Variants in ABCC8 observed in about 807,000 individuals in gnomAD.
ABCC8 encodes ATP-binding cassette sub-family C member 8.
ABCC8 carries 137 observed loss-of-function variants against 188.0 expected under a neutral mutation model. That is an observed-to-expected ratio of 0.73 (90% confidence interval 0.63 to 0.84). The LOEUF is 0.84. Among genes scored for constraint, ABCC8 ranks in the 40% least tolerant of loss-of-function variants. The pLI is 0.00. For missense variants in ABCC8, 1,750 were observed against 2,072.7 expected, an observed-to-expected ratio of 0.84 and a Z score of 3.02; for synonymous variants, 797 against 846.5, an observed-to-expected ratio of 0.94 and a Z score of 1.01.
chr11:17,432,167 A>G, intron 11 of ABCC8, 37 bp downstream of exon 11: 3 of 1,551,496 alleles, frequency 1.9e-6, no homozygotes, highest in African/African-American at 1.4e-5. Context: ...CTCCCCCTCC[A>G]CCCTACCCCC....
At chr11:17,456,498 C>T (rs920417284) in intron 6 of ABCC8, among the ~76,000 whole-genome samples, 5 of 152,178 alleles carry the variant, frequency 3.3e-5, no homozygotes, top group Non-Finnish European at 5.9e-5. Context: ...GAGAGGGGAT[C>T]ACTTGGACTC....
chr11:17,425,222 T>A lies in ABCC8; in HGVS notation c.2222+1827A>T, dbSNP rs58646341. 6.3e-3 allele frequency among the ~76,000 whole-genome samples: 963 copies of A among 152,172 alleles called. 9 individuals carry two copies. Among genetic ancestry groups the A allele is most frequent in the African/African-American group, 0.022 (920 of 41,518 alleles). On this transcript the variant is annotated intron_variant, in intron 16 of 38. Transcript: ENST00000389817. ...AAAGACCCCTCTGCCCCCAAAGACA[T>A]CACAGTCCCTGATGGGAGGTGATGG... is the stretch of plus-strand genomic sequence containing the variant.
At chr11:17,406,554 T>C in intron 26 of ABCC8, 68 bp downstream of exon 26, 2 of 1,483,908 alleles carry the variant, frequency 1.3e-6, no homozygotes, top group South Asian at 1.2e-5. Context: ...ATTTTATAGA[T>C]GGGAAGACTA....
chr11:17,462,040 C>T (rs907794303), intron 4 of ABCC8, among the ~76,000 whole-genome samples: 4 of 152,070 alleles, frequency 2.6e-5, no homozygotes, highest in East Asian at 1.9e-4. Flanking sequence ...TCATTGAGGT[C>T]GACTTTGAAC....
intron 16 of ABCC8, among the ~76,000 whole-genome samples, chr11:17,418,831 T>C (rs1955201740): frequency 6.6e-6 from 1 of 152,220 alleles, no homozygotes; most frequent in Non-Finnish European, 1.5e-5. Flanking sequence ...CCCATGGTGC[T>C]TAGCACATGA....
At chr11:17,402,802 C>A in intron 28 of ABCC8, 49 bp from the exon 29 acceptor site, 1 of 1,605,052 alleles carries the variant, frequency 6.2e-7, no homozygotes, top group Non-Finnish European at 8.5e-7. Flanking sequence ...GCTCAGGGCT[C>A]GGCCTGGGCC....
intron 7 of ABCC8, among the ~76,000 whole-genome samples, chr11:17,451,332 C>A (rs779030047): frequency 2.0e-5 from 3 of 152,168 alleles, no homozygotes; most frequent in Non-Finnish European, 4.4e-5. Flanking sequence ...CCCCATGAGT[C>A]TTAGAAGGTC....
intron 29 of ABCC8, among the ~76,000 whole-genome samples, chr11:17,401,180 C>G (rs991558814): frequency 5.3e-5 from 8 of 152,178 alleles, no homozygotes; most frequent in Non-Finnish European, 4.4e-5. Flanking sequence ...AGGGAAATCA[C>G]CAAAACTTAG....
rs1172087087 is a variant in ABCC8 at position 17,424,716 on chromosome 11, C to T, written c.2222+2333G>A. ...GAAAAGCCCTGCCTTGGAGGAGAGCCCAGATCCAGCCTGACCACTACATGG... is the reference window on the plus strand; with the variant it reads ...GAAAAGCCCTGCCTTGGAGGAGAGCTCAGATCCAGCCTGACCACTACATGG... On this transcript the variant is annotated intron_variant, in intron 16 of 38. Transcript: ENST00000389817. Among the ~76,000 whole-genome samples, 3 of 152,178 alleles carry T rather than the reference C, an allele frequency of 2.0e-5. No homozygotes were observed. In the East Asian group the frequency reaches 5.8e-4, roughly 29 times the overall value.
intron 5 of ABCC8, chr11:17,461,123 T>C: frequency 3.0e-6 from 1 of 330,522 alleles, no homozygotes; most frequent in Non-Finnish European, 5.8e-6. Flanking sequence ...GTCACAGCCT[T>C]TCTCAGGGCC....
intron 4 of ABCC8, among the ~76,000 whole-genome samples, chr11:17,462,901 A>G (rs1483920391): frequency 2.0e-5 from 3 of 152,218 alleles, no homozygotes; most frequent in African/African-American, 7.2e-5. Flanking sequence ...TTATTTAGAC[A>G]GACACATATG....
At chr11:17,446,991 C>T (rs1046641338) in intron 8 of ABCC8, among the ~76,000 whole-genome samples, 2 of 152,186 alleles carry the variant, frequency 1.3e-5, no homozygotes, top group Non-Finnish European at 2.9e-5. Flanking sequence ...AGTGAAGACT[C>T]TGGGGGCCAC....
intron 16 of ABCC8, among the ~76,000 whole-genome samples, chr11:17,421,425 C>T (rs1591781487): frequency 1.3e-5 from 2 of 152,124 alleles, no homozygotes; most frequent in African/African-American, 4.8e-5. Context: ...ATAATGGCAG[C>T]CTCTTGAAGG....
intron 6 of ABCC8, among the ~76,000 whole-genome samples, chr11:17,460,165 C>T (rs892918103): frequency 2.6e-5 from 4 of 152,226 alleles, no homozygotes; most frequent in African/African-American, 9.6e-5. Context: ...TGAAAGCCAA[C>T]AAATCCAAGT....
At chr11:17,449,654 C>T (rs12417921) in intron 7 of ABCC8, among the ~76,000 whole-genome samples, 4,719 of 152,316 alleles carry the variant, frequency 0.031, 106 homozygotes, top group South Asian at 0.076. Context: ...AAAATGCATC[C>T]GGGTCTTAAA....
Position 17,430,904 on chromosome 11 carries a change from G to C in ABCC8, c.1727C>G (p.Ala576Gly). The C allele has an allele frequency of 6.2e-7, 1 of 1,614,242 alleles. No homozygotes were observed. The highest frequency in any genetic ancestry group is 8.5e-7 in the Non-Finnish European group (1 of 1,180,048). The change falls in exon 12 of 39, where the codon GCC becomes GGC. Residue 576 changes from alanine to glycine, a missense_variant. By Grantham distance (60) the Ala-to-Gly change is moderately conservative. Transcript: ENST00000389817. ...ATGGAAGAGGGAGAGGGAGGCAAAGGCCACGGAGGGCGAGAAGTCGGCCTC... is the reference window on the plus strand; with the variant it reads ...ATGGAAGAGGGAGAGGGAGGCAAAGCCCACGGAGGGCGAGAAGTCGGCCTC... The part of the protein sequence containing the change: ...FKEADFSPSV[A>G]FASLSLFHIL...
intron 16 of ABCC8, among the ~76,000 whole-genome samples, chr11:17,426,514 C>T (rs1351997027): frequency 1.3e-5 from 2 of 152,192 alleles, no homozygotes; most frequent in African/African-American, 2.4e-5. Context: ...GGTTCTGGCT[C>T]TTTAATTAAG....
At chr11:17,396,193 G>T (rs920075847) in intron 33 of ABCC8, 15 of 740,532 alleles carry the variant, frequency 2.0e-5, no homozygotes, top group Non-Finnish European at 3.1e-5. Flanking sequence ...TGGGTGTGCC[G>T]GGTACTTGGC....
At chr11:17,446,498 C>T (rs570964695) in intron 8 of ABCC8, among the ~76,000 whole-genome samples, 5 of 152,240 alleles carry the variant, frequency 3.3e-5, no homozygotes, top group East Asian at 1.9e-4. Flanking sequence ...AGGCTGGACT[C>T]GAACTCTTGG....
Sources: allele counts gnomAD v4.1 joint callset (sites outside exome capture counted in the v4.1 genomes callset), GRCh38; gene constraint gnomAD v4.1.1; transcripts MANE v1.5; gene names NCBI Gene and HGNC (gene_info 2026-07-23, HGNC 2026-07-21).